Variants in NXN observed in about 807,000 individuals in gnomAD.
NXN encodes the protein nucleoredoxin.
Under a neutral mutation model 48.6 loss-of-function variants are expected in NXN, and 16 were observed. That is an observed-to-expected ratio of 0.33 (90% CI 0.22 to 0.50). The LOEUF is 0.50. NXN is among the 20% of genes least tolerant of loss of function. The pLI, the probability that NXN is intolerant of heterozygous loss-of-function variation, is 0.98. For missense variants in NXN, 492 were observed against 605.5 expected (o/e 0.81, Z 1.97); for synonymous variants, 281 against 269.6 (o/e 1.04, Z -0.41).
At chr17:811,209 C>G (rs541358367) in intron 5 of NXN, among the ~76,000 whole-genome samples, 1 of 152,168 alleles carries the variant, frequency 6.6e-6, no homozygotes, top group Non-Finnish European at 1.5e-5. Flanking sequence ...TCACCCCGGC[C>G]GCCCGGCACC....
Position 882,956 on chromosome 17 carries a change from G to A in NXN, c.361-56878C>T, listed in dbSNP as rs531081935. ...TTTAGTAGACACAGGGTTTCACCAT[G>A]TTGGCCAGGCTGGTCTGGAACTCCT... On this transcript the variant is annotated intron_variant, in intron 1 of 7. Coordinates refer to ENST00000336868, the MANE Select transcript of NXN (RefSeq NM_022463.5). Among the ~76,000 whole-genome samples, 166 of 152,314 alleles carry A rather than the reference G, an allele frequency of 1.1e-3. 1 individual carries two copies. The highest frequency in any genetic ancestry group is 3.8e-3 in the African/African-American group (159 of 41,574).
At chr17:924,721 TC>T (rs2068782418) in intron 1 of NXN, among the ~76,000 whole-genome samples, 2 of 374 alleles carry the variant, frequency 5.3e-3, no homozygotes, top group South Asian at 0.17. Context: ...CTAACTCCGT[TC>T]CGTTCCGTTC....
intron 1 of NXN, among the ~76,000 whole-genome samples, chr17:896,256 C>T (rs944956166): frequency 6.0e-5 from 9 of 151,088 alleles, no homozygotes; most frequent in Non-Finnish European, 1.2e-4. Flanking sequence ...AGGAGAATCA[C>T]TTGAACCCAG....
chr17:966,970 G>A (rs745548506), intron 1 of NXN, among the ~76,000 whole-genome samples: 10 of 152,154 alleles, frequency 6.6e-5, no homozygotes, highest in Non-Finnish European at 1.2e-4. Context: ...CGGTCCCCTG[G>A]GAGAGGACGG....
Position 917,049 on chromosome 17 carries a change from C to T in NXN, c.360+62270G>A, listed in dbSNP as rs1237948788. 6.6e-6 allele frequency among the ~76,000 whole-genome samples: 1 copy of T among 152,228 alleles called. No homozygotes were observed. The highest frequency in any genetic ancestry group is 6.5e-5 in the Admixed American group (1 of 15,276). ...CATTATCAGACATTCCCTGTGTGTC[C>T]TGTTCTGTTATACATGCTGAAGCTA... is the stretch of plus-strand genomic sequence containing the variant. On this transcript the variant is annotated intron_variant, in intron 1 of 7. Transcript: ENST00000336868. This position sits in a 1 kb window ranked among gnomAD's most constrained non-coding sequence, Gnocchi z 4.5.
rs2068744711 is a variant in NXN, at chr17:920,911, C to CG, written c.360+58407dup. On this transcript the variant is annotated intron_variant, in intron 1 of 7. Coordinates refer to ENST00000336868, the MANE Select transcript of NXN (RefSeq NM_022463.5). The surrounding 1 kb of genome is among the most constrained non-coding windows in gnomAD (Gnocchi z 4.6). The stretch of plus-strand genomic sequence containing the variant: ...CTAATTTTTGTAATTTTAGTAAAGA[C>CG]GGGGTTTTGCCATGTTAGCCAGGCT... Among the ~76,000 whole-genome samples the CG allele has an allele frequency of 6.6e-6, 1 of 151,938 alleles. No individual in the cohort carries two copies. The highest frequency in any genetic ancestry group is 1.5e-5 in the Non-Finnish European group (1 of 67,988).
intron 1 of NXN, among the ~76,000 whole-genome samples, chr17:967,067 T>C (rs2069314297): frequency 1.3e-5 from 2 of 151,898 alleles, no homozygotes; most frequent in African/African-American, 4.8e-5. Flanking sequence ...TAGGGGCCAC[T>C]CTCCCTCAGT....
At chr17:948,431 T>C (rs1385957162) in intron 1 of NXN, among the ~76,000 whole-genome samples, 1 of 152,166 alleles carries the variant, frequency 6.6e-6, no homozygotes, top group African/African-American at 2.4e-5. Context: ...TGCTATTTTA[T>C]ATCAGCAACT....
At chr17:853,723 A>ATATATATATATATATATATATTTTT (rs1491528474) in intron 1 of NXN, among the ~76,000 whole-genome samples, 2 of 105,974 alleles carry the variant, frequency 1.9e-5, no homozygotes, top group African/African-American at 4.3e-5. Flanking sequence ...ATATATATAT[A>ATATATATATATATATATATATTTTT]TTTTTTTTTT....
intron 1 of NXN, among the ~76,000 whole-genome samples, chr17:954,144 G>A (rs1019567808): frequency 1.3e-5 from 2 of 151,888 alleles, no homozygotes; most frequent in Admixed American, 6.6e-5. Flanking sequence ...TTGGGAGGCC[G>A]AGGTGGGCGG....
At position 963,182 on chromosome 17, in the gene NXN, T is replaced by TA. The variant is rs146721381; in HGVS notation, c.360+16136dup. Among the ~76,000 whole-genome samples the TA allele has an allele frequency of 8.5e-3, 1,125 of 132,854 alleles. 8 individuals carry two copies. Among genetic ancestry groups the TA allele is most frequent in the African/African-American group, 0.028 (929 of 33,592 alleles). The allele number at this position is 132,854 out of a possible 152,430, so 87.2% of individuals were successfully genotyped here. ...CAAGACCCATTTAAAAGGCTTGATT[T>TA]AAAAAAAAAAAAAGGTATAGGTACT... is the stretch of plus-strand genomic sequence containing the variant. On this transcript the variant is annotated intron_variant, in intron 1 of 7. Transcript: ENST00000336868.
At chr17:891,866 ACCTAAACTAAC>A (rs1567851276) in intron 1 of NXN, among the ~76,000 whole-genome samples, 9,521 of 129,996 alleles carry the variant, frequency 0.073, 3 homozygotes, top group Non-Finnish European at 0.081. Flanking sequence ...CCAACAGGGA[ACCTAAACTAAC>A]CCCACCATGT....
At chr17:944,055 TG>T in intron 1 of NXN, among the ~76,000 whole-genome samples, 2 of 151,834 alleles carry the variant, frequency 1.3e-5, no homozygotes. Context: ...CTGGCCAACA[TG>T]ACGAAACCCC....
intron 1 of NXN, among the ~76,000 whole-genome samples, chr17:885,915 C>T (rs1321052238): frequency 2.6e-5 from 4 of 151,688 alleles, no homozygotes; most frequent in African/African-American, 9.7e-5. Context: ...GTCTCGATCT[C>T]CTGACCTCGT....
intron 1 of NXN, among the ~76,000 whole-genome samples, chr17:862,050 C>T (rs890186419): frequency 2.3e-4 from 35 of 152,100 alleles, no homozygotes; most frequent in African/African-American, 6.0e-4. Flanking sequence ...AGGCTGGTCT[C>T]GAACTCCTGA....
At chr17:844,884 GTTTT>G (rs573530072) in intron 1 of NXN, among the ~76,000 whole-genome samples, 1 of 151,706 alleles carries the variant, frequency 6.6e-6, no homozygotes, top group African/African-American at 2.4e-5. Context: ...CACCCAGCCT[GTTTT>G]TTTTAATGAA....
chr17:925,207 G>C (rs1244033837), intron 1 of NXN, among the ~76,000 whole-genome samples: 1 of 152,184 alleles, frequency 6.6e-6, no homozygotes, highest in Non-Finnish European at 1.5e-5. Context: ...TCAAGAATGA[G>C]GCCTCCCGCC....
chr17:846,228 A>G (rs1455243739), intron 1 of NXN, among the ~76,000 whole-genome samples: 1 of 152,028 alleles, frequency 6.6e-6, no homozygotes, highest in Non-Finnish European at 1.5e-5. Flanking sequence ...GGAGTTCAAG[A>G]CCAGCCTGGC....
intron 1 of NXN, among the ~76,000 whole-genome samples, chr17:827,650 A>G (rs1913203204): frequency 6.6e-6 from 1 of 152,028 alleles, no homozygotes; most frequent in Non-Finnish European, 1.5e-5. Context: ...AAATAAATGC[A>G]TTGTTGGGCT....
Sources: gnomAD v4.1 joint callset for allele counts (sites outside exome capture counted in the v4.1 genomes callset) on GRCh38, gnomAD v4.1.1 for gene constraint, Gnocchi (gnomAD v3.1) non-coding constraint, MANE v1.5 for transcripts, NCBI Gene and HGNC (gene_info 2026-07-23, HGNC 2026-07-21) for gene names.